VPS13C: variants seen among roughly 807,000 people sequenced by gnomAD.
VPS13C encodes the protein intermembrane lipid transfer protein VPS13C.
Under a neutral mutation model 456.8 loss-of-function variants are expected in VPS13C, and 358 were observed. The ratio of observed to expected loss-of-function variants is 0.78; its 90% confidence interval spans 0.72 to 0.86. VPS13C has a LOEUF of 0.86. VPS13C is among the 40% of genes least tolerant of loss of function. The pLI is 0.00. For synonymous variants in VPS13C, 1,578 were observed against 1,486.7 expected, an observed-to-expected ratio of 1.06 and a Z score of -1.41; for missense variants, 4,818 against 4,385.4, an observed-to-expected ratio of 1.10 and a Z score of -2.79.
rs1323981805 is a variant in VPS13C, at chr15:61,855,105, CT to C, written c.11077-152del. The C allele has an allele frequency of 1.0e-4, 66 of 650,848 alleles. No homozygotes were observed. The Admixed American group carries it at 1.8e-3, about 17-fold the overall frequency. 40.3% of individuals were successfully genotyped at this position (650,848 alleles called of 1,614,324 possible). A position where few individuals can be genotyped will look rare whatever the true frequency, so the allele number is the denominator to read the frequency against. On this transcript the variant is annotated intron_variant, in intron 83 of 84. Coordinates refer to ENST00000644861, the MANE Select transcript of VPS13C (RefSeq NM_020821.3). ...TCAAGTAAGATATGAAATAAATCAT[CT>C]TGGAACAAGGACGGTATTTCCATAT...
chr15:61,867,168 C>A lies in VPS13C; in HGVS notation c.10863+1491G>T. On this transcript the variant is annotated intron_variant, in intron 81 of 84. Transcript: ENST00000644861. The surrounding 1 kb of genome is among the most constrained non-coding windows in gnomAD (Gnocchi z 5.0). ...TGCCACACAGCAATTTGCCTAATTA[C>A]ATGTTCAACTTCTATCTACATTAAT... 1.0e-6 allele frequency: 1 copy of A among 984,062 alleles called. No homozygotes were observed. Among genetic ancestry groups the A allele is most frequent in the Non-Finnish European group, 1.2e-6 (1 of 828,682 alleles). The allele number at this position is 984,062 out of a possible 1,614,324, so 61.0% of individuals were successfully genotyped here.
chr15:61,919,516 T>G, intron 57 of VPS13C, 67 bp from the exon 58 acceptor site: 1 of 1,369,736 alleles, frequency 7.3e-7, no homozygotes, highest in Non-Finnish European at 9.6e-7. Flanking sequence ...ATAACAATCA[T>G]TAGTACCTCA....
chr15:61,951,917 G>T lies in VPS13C; in HGVS notation c.4363C>A (p.Leu1455Met), dbSNP rs769215114. 1 of 1,613,652 alleles carries T rather than the reference G, an allele frequency of 6.2e-7. No individual in the cohort carries two copies. The highest frequency in any genetic ancestry group is 8.5e-7 in the Non-Finnish European group (1 of 1,179,810). Reference sequence around the variant, plus strand: ...ACTTTAGCTTCCATTCCAAGTTGCAGGACATTTAGCTCATGTAAAGGCCTT... The same window carrying T: ...ACTTTAGCTTCCATTCCAAGTTGCATGACATTTAGCTCATGTAAAGGCCTT... Reference protein sequence around the residue: ...KGRPLHELNVLQLGMEAKVKT... With the variant: ...KGRPLHELNVMQLGMEAKVKT... The change falls in exon 39 of 85, where the codon CTG becomes ATG. Residue 1455 changes from leucine (L) to methionine (M), a missense_variant. By Grantham distance (15) the Leu-to-Met change is conservative (BLOSUM62 2). Coordinates refer to ENST00000644861, the MANE Select transcript of VPS13C (RefSeq NM_020821.3).
At chr15:62,000,702 G>C (rs2046582003) in intron 15 of VPS13C, 76 bp from the exon 16 acceptor site, 1 of 1,193,274 alleles carries the variant, frequency 8.4e-7, no homozygotes, top group African/African-American at 1.6e-5. Flanking sequence ...ATGATTTCTA[G>C]GCATATCTAG....
In VPS13C at chr15:61,945,701, T is replaced by A; in HGVS notation, c.5148+14A>T. The A allele has an allele frequency of 7.0e-6, 11 of 1,567,632 alleles. No individual in the cohort carries two copies. The highest frequency in any genetic ancestry group is 9.5e-6 in the Non-Finnish European group (11 of 1,161,400). On this transcript the variant is annotated intron_variant, in intron 45 of 84. Transcript: ENST00000644861. ...AGGCCTCAGTGAGGAATAAATATAT[T>A]TTTAAAAACTTACCAAAAGAGACAT... is the stretch of plus-strand genomic sequence containing the variant.
At chr15:61,972,193 C>A (rs999875214) in intron 27 of VPS13C, among the ~76,000 whole-genome samples, 1 of 152,168 alleles carries the variant, frequency 6.6e-6, no homozygotes, top group African/African-American at 2.4e-5. Flanking sequence ...CCTTTTACCA[C>A]ATGACTTTTA....
At chr15:61,857,010 A>G (rs973413867) in intron 82 of VPS13C, among the ~76,000 whole-genome samples, 14 of 151,858 alleles carry the variant, frequency 9.2e-5, no homozygotes, top group African/African-American at 3.4e-4. Context: ...CAATGGCAAT[A>G]AAAAAAATAA....
intron 3 of VPS13C, among the ~76,000 whole-genome samples, chr15:62,037,301 TA>T (rs1567136840): frequency 5.5e-4 from 39 of 71,314 alleles, no homozygotes; most frequent in African/African-American, 2.7e-3. Flanking sequence ...TATTATATAA[TA>T]TATATATAAA....
rs530070684 is a variant in VPS13C at position 61,980,120 on chromosome 15, G to T, written c.2166+1222C>A. Among the ~76,000 whole-genome samples, 8 of 135,100 alleles carry T rather than the reference G, an allele frequency of 5.9e-5. No individual in the cohort carries two copies. In the East Asian group the frequency reaches 2.0e-3, roughly 33 times the overall value. The allele number at this position is 135,100 out of a possible 152,430, so 88.6% of individuals were successfully genotyped here. Reference sequence around the variant, plus strand: ...AATCACTTGAACCCAGGAGGCAAAGGTTGCAGTGAGCAGAGACTGCACCAC... The same window carrying T: ...AATCACTTGAACCCAGGAGGCAAAGTTTGCAGTGAGCAGAGACTGCACCAC... On this transcript the variant is annotated intron_variant, in intron 22 of 84. Coordinates refer to ENST00000644861, the MANE Select transcript of VPS13C (RefSeq NM_020821.3).
chr15:62,020,497 C>T lies in VPS13C; in HGVS notation c.666G>A (p.Leu222=). The stretch of plus-strand genomic sequence containing the variant: ...ACATTACCAGTAGACTAAGCTCTCC[C>T]AGTGTGACACCAAATGAAAGAGGCC... ...PKRPLSFGVT[L]GELSLLTANE... The change falls in exon 9 of 85, where the codon CTG becomes CTA. Residue 222 remains leucine, a synonymous_variant. Transcript: ENST00000644861. The T allele has an allele frequency of 1.9e-6, 3 of 1,611,466 alleles. 1 individual carries two copies. In the South Asian group the frequency reaches 3.3e-5, roughly 18 times the overall value.
Position 61,919,381 on chromosome 15 carries a change from G to A in VPS13C, c.7546C>T (p.Arg2516Trp), listed in dbSNP as rs751759185. 22 of 1,603,644 alleles carry A rather than the reference G, an allele frequency of 1.4e-5. No individual in the cohort carries two copies. The highest frequency in any genetic ancestry group is 3.4e-5 in the South Asian group (3 of 89,010). ...ARPGRRLYNV[R>W]NPNASHSDSV... is the part of the protein sequence containing the mutation. ...TCAGAATGACTGGCATTGGGATTCC[G>A]TACATTATACAATCGCCGTCCAGGT... Residue 2516 changes from arginine (R) to tryptophan (W), a missense_variant, in exon 58 of 85, where the codon CGG becomes TGG. Arg to Trp is a moderately radical substitution (Grantham distance 101). This residue lies in a region of VPS13C where 4,552 missense variants were observed against 4,130.6 expected (regional missense o/e 1.10). Coordinates refer to ENST00000644861, the MANE Select transcript of VPS13C (RefSeq NM_020821.3).
chr15:61,867,269 A>G lies in VPS13C; in HGVS notation c.10863+1390T>C. The G allele has an allele frequency of 8.1e-6, 8 of 984,434 alleles. No homozygotes were observed. Among genetic ancestry groups the G allele is most frequent in the Non-Finnish European group, 9.6e-6 (8 of 829,022 alleles). The allele number at this position is 984,434 out of a possible 1,614,324, so 61.0% of individuals were successfully genotyped here. ...TGAAAAGCAGAAATGCTAAAGGCTG[A>G]AAATGTATATAACATAATTATAAAA... On this transcript the variant is annotated intron_variant, in intron 81 of 84. Coordinates refer to ENST00000644861, the MANE Select transcript of VPS13C (RefSeq NM_020821.3). The surrounding 1 kb of genome is among the most constrained non-coding windows in gnomAD (Gnocchi z 5.0).
intron 16 of VPS13C, among the ~76,000 whole-genome samples, chr15:61,995,863 G>T (rs1234877108): frequency 6.6e-6 from 1 of 152,198 alleles, no homozygotes; most frequent in Non-Finnish European, 1.5e-5. Context: ...TAATAGCTAT[G>T]TGTTGTTTCA....
chr15:61,990,988 TTAAA>T lies in VPS13C; in HGVS notation c.1578+8_1578+11del. 6.3e-7 allele frequency: 1 copy of T among 1,591,606 alleles called. No homozygotes were observed. The highest frequency in any genetic ancestry group is 8.6e-7 in the Non-Finnish European group (1 of 1,163,192). ...ATGAGACAAAATTCCTTTAAACCAC[TTAAA>T]TAATTACCTGCTTAGGTAAAGTTAG... On this transcript the variant is annotated splice_region_variant and intron_variant, in intron 18 of 84. Transcript: ENST00000644861.
intron 77 of VPS13C, among the ~76,000 whole-genome samples, chr15:61,874,406 C>T (rs901468938): frequency 4.6e-5 from 7 of 151,970 alleles, no homozygotes; most frequent in Admixed American, 1.3e-4. Context: ...TTGATCACTA[C>T]ATATTGTATA....
rs1893760247 is a variant in VPS13C, at chr15:61,853,722, A to T, written c.*735T>A. 6.6e-6 allele frequency: 1 copy of T among 152,156 alleles called. No individual in the cohort carries two copies. Among genetic ancestry groups the T allele is most frequent in the South Asian group, 2.1e-4 (1 of 4,828 alleles). The allele number at this position is 152,156 out of a possible 1,614,324, so 9.4% of individuals were successfully genotyped here. A position where few individuals can be genotyped will look rare whatever the true frequency, so the allele number is the denominator to read the frequency against. On this transcript the variant is annotated 3_prime_UTR_variant, in exon 85 of 85. Transcript: ENST00000644861. ...AATCACTCTTAAACAAAATGTCAGG[A>T]TCCAACATTTGTTCATGGGTTAAAG...
chr15:62,044,381 C>T (rs2048339910), intron 1 of VPS13C, 126 bp from the exon 2 acceptor site: 3 of 541,164 alleles, frequency 5.5e-6, no homozygotes, highest in Non-Finnish European at 9.6e-6. Context: ...ACAAAGGTGA[C>T]TTAAGAGGCT....
intron 3 of VPS13C, 127 bp from the exon 4 acceptor site, chr15:62,035,179 G>GA (rs983404902): frequency 1.7e-5 from 8 of 468,584 alleles, no homozygotes; most frequent in African/African-American, 1.4e-4. Flanking sequence ...CAGAAAAAAT[G>GA]AAAAAAATCC....
intron 61 of VPS13C, among the ~76,000 whole-genome samples, chr15:61,914,255 G>A (rs1055738215): frequency 6.6e-6 from 1 of 151,998 alleles, no homozygotes; most frequent in African/African-American, 2.4e-5. Context: ...CTACAGACAG[G>A]ACCCAGCCAT....
Sources: allele counts gnomAD v4.1 joint callset (sites outside exome capture counted in the v4.1 genomes callset), GRCh38; gene constraint gnomAD v4.1.1; regional missense constraint gnomAD v4.1.1; non-coding constraint Gnocchi (gnomAD v3.1); transcripts MANE v1.5; gene names NCBI Gene and HGNC (gene_info 2026-07-23, HGNC 2026-07-21).